The following UBE3D variants were observed in gnomAD, a reference collection of about 807,000 sequenced individuals.
The protein encoded by UBE3D is ubiquitin protein ligase E3D.
UBE3D carries 48 observed loss-of-function variants against 49.6 expected under a neutral mutation model. The ratio of observed to expected loss-of-function variants is 0.97; its 90% CI spans 0.77 to 1.23. The LOEUF (loss-of-function observed/expected upper bound fraction) is 1.23, where lower values mean the gene tolerates loss of function less well. UBE3D is among the 50% of genes most tolerant of loss of function. The pLI, the probability that UBE3D is intolerant of heterozygous loss-of-function variation, is 0.00. For missense variants in UBE3D, 452 were observed against 468.4 expected (o/e 0.96, Z 0.32); for synonymous variants, 189 against 174.2 (o/e 1.08, Z -0.67).
chr6:82,984,057 T>C (rs779193114), intron 8 of UBE3D, among the ~76,000 whole-genome samples: 12 of 152,190 alleles, frequency 7.9e-5, no homozygotes, highest in Non-Finnish European at 1.3e-4. Flanking sequence ...CTAACTTGTA[T>C]CCTTGTTCTG....
At chr6:83,018,929 A>G (rs780779685) in intron 8 of UBE3D, 44 bp downstream of exon 8, 1 of 1,602,866 alleles carries the variant, frequency 6.2e-7, no homozygotes. Flanking sequence ...TGACAACAAA[A>G]GCTAAAACAT....
downstream of UBE3D, among the ~76,000 whole-genome samples, chr6:82,890,206 T>C (rs910365200): frequency 6.6e-6 from 1 of 152,128 alleles, no homozygotes; most frequent in Non-Finnish European, 1.5e-5. Flanking sequence ...GAAATTTAAA[T>C]GTCTTTAATG....
At chr6:83,064,686 T>C (rs941432355) in intron 1 of UBE3D, among the ~76,000 whole-genome samples, 2 of 152,196 alleles carry the variant, frequency 1.3e-5, no homozygotes, top group African/African-American at 4.8e-5. Context: ...TTGTCCAAAT[T>C]CATAAATTTT....
downstream of UBE3D, among the ~76,000 whole-genome samples, chr6:82,891,613 A>G (rs1770979684): frequency 6.6e-6 from 1 of 152,224 alleles, no homozygotes; most frequent in African/African-American, 2.4e-5. Flanking sequence ...TACAAGTTAC[A>G]GAATTAGGAG....
chr6:82,919,719 C>T (rs1275427314), intron 9 of UBE3D, among the ~76,000 whole-genome samples: 1 of 152,192 alleles, frequency 6.6e-6, no homozygotes, highest in East Asian at 1.9e-4. Context: ...GGTTCAATTA[C>T]TAGCATGGCA....
chr6:82,967,842 T>C (rs912063476), intron 8 of UBE3D, among the ~76,000 whole-genome samples: 4 of 151,968 alleles, frequency 2.6e-5, no homozygotes, highest in Non-Finnish European at 5.9e-5. Flanking sequence ...GATGGATCAC[T>C]ATATTATCAA....
intron 8 of UBE3D, among the ~76,000 whole-genome samples, chr6:83,009,863 G>GA (rs1171803672): frequency 1.3e-5 from 2 of 149,784 alleles, no homozygotes; most frequent in East Asian, 2.0e-4. Context: ...AATACTGAGC[G>GA]AAAAAAATCA....
chr6:82,936,944 G>C (rs1774623244), intron 9 of UBE3D, among the ~76,000 whole-genome samples: 1 of 152,204 alleles, frequency 6.6e-6, no homozygotes, highest in Admixed American at 6.5e-5. Context: ...GACAGGGAAA[G>C]TGACTTAGGT....
intron 5 of UBE3D, among the ~76,000 whole-genome samples, chr6:83,030,779 C>A (rs578132039): frequency 2.0e-5 from 3 of 152,200 alleles, no homozygotes; most frequent in African/African-American, 7.2e-5. Context: ...AAAGTTTGAA[C>A]CTTCCTAGAG....
chr6:83,005,611 G>A (rs777769351), intron 8 of UBE3D, among the ~76,000 whole-genome samples: 4 of 150,630 alleles, frequency 2.7e-5, no homozygotes, highest in Admixed American at 6.6e-5. Context: ...AGTAAGGTGC[G>A]GTCTCTATTT....
intron 3 of UBE3D, among the ~76,000 whole-genome samples, chr6:83,047,645 G>A (rs924699932): frequency 6.6e-6 from 1 of 152,172 alleles, no homozygotes; most frequent in Admixed American, 6.5e-5. Context: ...GTAGCCTTGT[G>A]AGTCCACATG....
chr6:83,053,581 G>A (rs879302377), intron 3 of UBE3D, among the ~76,000 whole-genome samples: 55 of 152,098 alleles, frequency 3.6e-4, no homozygotes, highest in Non-Finnish European at 6.5e-4. Context: ...CAACAACAAC[G>A]AAAAAACCAA....
intron 9 of UBE3D, among the ~76,000 whole-genome samples, chr6:82,904,336 G>A (rs920014369): frequency 4.6e-5 from 7 of 152,166 alleles, no homozygotes; most frequent in African/African-American, 1.4e-4. Flanking sequence ...CACGTTAAAC[G>A]AGGACTACTG....
At chr6:83,000,888 A>G (rs1779584809) in intron 8 of UBE3D, among the ~76,000 whole-genome samples, 1 of 147,462 alleles carries the variant, frequency 6.8e-6, no homozygotes, top group African/African-American at 2.5e-5. Context: ...CTTGTTGCCC[A>G]GACTGAAGTG....
At chr6:83,054,805 C>T (rs1170704155) in intron 2 of UBE3D, among the ~76,000 whole-genome samples, 3 of 152,170 alleles carry the variant, frequency 2.0e-5, no homozygotes, top group Non-Finnish European at 2.9e-5. Context: ...CGCCCATCAC[C>T]ATGCCTGGCT....
chr6:82,937,206 C>T (rs1279702815), intron 9 of UBE3D, among the ~76,000 whole-genome samples: 1 of 152,158 alleles, frequency 6.6e-6, no homozygotes, highest in Non-Finnish European at 1.5e-5. Flanking sequence ...TTACTCACTA[C>T]CAGGAGGGCT....
intron 1 of UBE3D, among the ~76,000 whole-genome samples, chr6:83,058,538 C>T (rs892713447): frequency 2.0e-5 from 3 of 152,200 alleles, no homozygotes; most frequent in Non-Finnish European, 4.4e-5. Flanking sequence ...CTGTCAAAAG[C>T]CCCCAGGCAT....
In UBE3D at chr6:83,054,200, C is replaced by CT; in HGVS notation, c.312dup (p.Glu105ArgfsTer12). On this transcript the variant is annotated frameshift_variant, in exon 3 of 10. Coordinates refer to ENST00000369747, the MANE Select transcript of UBE3D (RefSeq NM_198920.3). LOFTEE classifies it high-confidence loss of function. Reference sequence around the variant, plus strand: ...GATTGGCAATAAAACGTGCAACATTCTTGGGTTTGCGAGCTTTGATTAAAC... The same window carrying CT: ...GATTGGCAATAAAACGTGCAACATTCTTTGGGTTTGCGAGCTTTGATTAAAC... 6.2e-7 allele frequency: 1 copy of CT among 1,613,966 alleles called. No homozygotes were observed. The highest frequency in any genetic ancestry group is 8.5e-7 in the Non-Finnish European group (1 of 1,179,970).
intron 8 of UBE3D, among the ~76,000 whole-genome samples, chr6:83,009,601 T>A (rs2127757001): frequency 1.4e-5 from 2 of 146,598 alleles, no homozygotes; most frequent in East Asian, 4.0e-4. Context: ...GTAGAAATAC[T>A]ATTCTCACAG....
Sources: gnomAD v4.1 joint callset for allele counts (sites outside exome capture counted in the v4.1 genomes callset) on GRCh38, gnomAD v4.1.1 for gene constraint, MANE v1.5 for transcripts, NCBI Gene and HGNC (gene_info 2026-07-23, HGNC 2026-07-21) for gene names.